The following CDH18 variants were observed in gnomAD, a reference collection of about 807,000 sequenced individuals.
The protein encoded by CDH18 is cadherin 18.
CDH18 carries 31 observed loss-of-function variants against 67.9 expected under a neutral mutation model. The observed-to-expected ratio is 0.46, with a 90% confidence interval of 0.34 to 0.62. CDH18 has a LOEUF of 0.62. CDH18 is among the 20% of genes least tolerant of loss of function. CDH18 has a pLI of 0.01. For missense variants in CDH18, 890 were observed against 975.5 expected, an observed-to-expected ratio of 0.91 and a Z score of 1.17; for synonymous variants, 362 against 347.2, an observed-to-expected ratio of 1.04 and a Z score of -0.48.
At chr5:20,419,466 T>TTG (rs1476645834) in intron 1 of CDH18, among the ~76,000 whole-genome samples, 3 of 45,122 alleles carry the variant, frequency 6.6e-5, no homozygotes, top group Non-Finnish European at 1.0e-4. Context: ...GACTCTGTTT[T>TTG]TTTTTTTTTT....
intron 1 of CDH18, among the ~76,000 whole-genome samples, chr5:20,383,814 A>G (rs1744100494): frequency 6.6e-6 from 1 of 152,196 alleles, no homozygotes; most frequent in African/African-American, 2.4e-5. Flanking sequence ...ACGAAAATGT[A>G]TAACTACTGT....
At chr5:19,777,291 GA>G (rs2149766809) in intron 3 of CDH18, among the ~76,000 whole-genome samples, 1 of 152,100 alleles carries the variant, frequency 6.6e-6, no homozygotes, top group African/African-American at 2.4e-5. Context: ...AAAAATAAAA[GA>G]AAAAAGAAAA....
chr5:20,330,388 T>G (rs1739055900), intron 1 of CDH18, among the ~76,000 whole-genome samples: 1 of 152,064 alleles, frequency 6.6e-6, no homozygotes, highest in Non-Finnish European at 1.5e-5. Context: ...CAGGTGATGG[T>G]CAGGAGGTTG....
chr5:19,510,369 T>A (rs182052849), intron 10 of CDH18, among the ~76,000 whole-genome samples: 1 of 152,268 alleles, frequency 6.6e-6, no homozygotes, highest in African/African-American at 2.4e-5. Flanking sequence ...TGCCACAAGC[T>A]ACACTTACAA....
intron 1 of CDH18, among the ~76,000 whole-genome samples, chr5:20,483,653 CAAA>C (rs61319784): frequency 0.035 from 4,568 of 128,966 alleles, 82 homozygotes; most frequent in Admixed American, 0.05. Context: ...AGAAAGTTGC[CAAA>C]AAAAAAAAAC....
intron 1 of CDH18, among the ~76,000 whole-genome samples, chr5:20,288,444 G>A (rs959273907): frequency 2.0e-5 from 3 of 148,048 alleles, no homozygotes; most frequent in East Asian, 2.0e-4. Flanking sequence ...CAAAAAATAC[G>A]ATATATATAT....
chr5:20,442,734 CAT>C (rs1749697456), intron 1 of CDH18, among the ~76,000 whole-genome samples: 2 of 151,894 alleles, frequency 1.3e-5, no homozygotes, highest in Non-Finnish European at 2.9e-5. Flanking sequence ...AAAGGGGTCT[CAT>C]AGGAAAAGCC....
chr5:19,798,755 T>C (rs1471497726), intron 3 of CDH18, among the ~76,000 whole-genome samples: 1 of 152,100 alleles, frequency 6.6e-6, no homozygotes, highest in African/African-American at 2.4e-5. Flanking sequence ...TTCCGCTAAT[T>C]ATTTAATTCA....
At chr5:20,120,359 G>A (rs1211632605) in intron 2 of CDH18, among the ~76,000 whole-genome samples, 1 of 152,080 alleles carries the variant, frequency 6.6e-6, no homozygotes, top group Non-Finnish European at 1.5e-5. Flanking sequence ...GCACTTACAT[G>A]AATCAATTCA....
At chr5:19,666,230 T>TATG (rs1241543255) in intron 5 of CDH18, among the ~76,000 whole-genome samples, 4 of 129,894 alleles carry the variant, frequency 3.1e-5, no homozygotes, top group Non-Finnish European at 4.6e-5. Flanking sequence ...CCCACGCCTG[T>TATG]ATGATTTTTA....
intron 2 of CDH18, among the ~76,000 whole-genome samples, chr5:20,113,053 C>T (rs1446573627): frequency 6.6e-6 from 1 of 152,126 alleles, no homozygotes; most frequent in Non-Finnish European, 1.5e-5. Flanking sequence ...TTCTTGGAGA[C>T]CCAGTTCTTT....
intron 2 of CDH18, among the ~76,000 whole-genome samples, chr5:20,080,433 A>G (rs1456658993): frequency 6.6e-6 from 1 of 152,174 alleles, no homozygotes; most frequent in Non-Finnish European, 1.5e-5. Flanking sequence ...AGTATAGTCA[A>G]CTGAGTCGCA....
At chr5:20,230,940 G>C (rs1386382617) in intron 2 of CDH18, among the ~76,000 whole-genome samples, 1 of 152,100 alleles carries the variant, frequency 6.6e-6, no homozygotes, top group Non-Finnish European at 1.5e-5. Context: ...AAAAGGTATA[G>C]ATGTTAAAAC....
intron 5 of CDH18, among the ~76,000 whole-genome samples, chr5:19,651,547 A>G (rs1477086479): frequency 6.6e-6 from 1 of 152,052 alleles, no homozygotes; most frequent in Non-Finnish European, 1.5e-5. Context: ...GGAGACAGAT[A>G]AAAGTTTAAT....
chr5:19,984,374 A>G (rs1388233616), intron 1 of CDH18, among the ~76,000 whole-genome samples: 1 of 152,112 alleles, frequency 6.6e-6, no homozygotes, highest in Non-Finnish European at 1.5e-5. Flanking sequence ...TAAATTTTAA[A>G]TGTGGATAAT....
rs182262175 is a variant in CDH18, at chr5:20,108,619, G to A, written c.-517-116605C>T. On this transcript the variant is annotated intron_variant, in intron 2 of 14. Coordinates refer to the CDH18 transcript ENST00000507958. Reference sequence around the variant, plus strand: ...GTGTCACCTCGTGTCTTTCATCTCCGCCTCCCTACTAACCACAGCCTAGCA... The same window carrying A: ...GTGTCACCTCGTGTCTTTCATCTCCACCTCCCTACTAACCACAGCCTAGCA... Among the ~76,000 whole-genome samples, 52 of 151,130 alleles carry A rather than the reference G, an allele frequency of 3.4e-4. 1 individual carries two copies. The East Asian group carries it at 8.0e-3, about 23-fold the overall frequency.
chr5:20,103,812 G>GAAA (rs11446807), intron 2 of CDH18, among the ~76,000 whole-genome samples: 49 of 147,734 alleles, frequency 3.3e-4, no homozygotes, highest in Non-Finnish European at 4.6e-4. Flanking sequence ...GAAACCAAAA[G>GAAA]AAAAAAAAAA....
intron 2 of CDH18, among the ~76,000 whole-genome samples, chr5:20,252,092 T>TA (rs1310203000): frequency 1.3e-5 from 2 of 152,156 alleles, no homozygotes; most frequent in Admixed American, 1.3e-4. Context: ...CAACTGTATA[T>TA]AAAAAATATT....
chr5:20,300,893 GTCC>G (rs1399081337), intron 1 of CDH18, among the ~76,000 whole-genome samples: 1 of 152,128 alleles, frequency 6.6e-6, no homozygotes, highest in Non-Finnish European at 1.5e-5. Flanking sequence ...AGAATTAACT[GTCC>G]TGTGGAATAT....
Sources: allele counts gnomAD v4.1 joint callset (sites outside exome capture counted in the v4.1 genomes callset), GRCh38; gene constraint gnomAD v4.1.1; transcripts MANE v1.5; gene names NCBI Gene and HGNC (gene_info 2026-07-23, HGNC 2026-07-21).